Variants in MSX2 observed in about 807,000 individuals in gnomAD.
The protein encoded by MSX2 is msh homeobox 2.
Under a neutral mutation model 18.4 loss-of-function variants are expected in MSX2, and 10 were observed. The observed-to-expected ratio is 0.54, with a 90% confidence interval of 0.34 to 0.92. MSX2 has a LOEUF of 0.92. Ranked by LOEUF, MSX2 falls within the 40% of genes least tolerant of loss-of-function variation. MSX2 has a pLI of 0.02. For missense variants in MSX2, 339 were observed against 364.0 expected, an observed-to-expected ratio of 0.93 and a Z score of 0.56; for synonymous variants, 170 against 165.6, an observed-to-expected ratio of 1.03 and a Z score of -0.20.
rs1323789044 is a variant in MSX2 at position 174,724,642 on chromosome 5, A to G, written c.-18A>G. 1 of 1,578,588 alleles carries G rather than the reference A, an allele frequency of 6.3e-7. No individual in the cohort carries two copies. The highest frequency in any genetic ancestry group is 8.6e-7 in the Non-Finnish European group (1 of 1,163,258). ...CCAGCGGAGTCGCGCGTCGGGAGCTACGTAGGGCAGAGAAGTCATGGCTTC... is the reference window on the plus strand; with the variant it reads ...CCAGCGGAGTCGCGCGTCGGGAGCTGCGTAGGGCAGAGAAGTCATGGCTTC... On this transcript the variant is annotated 5_prime_UTR_variant, in exon 1 of 2. Transcript: ENST00000239243.
chr5:174,729,426 T>C lies in MSX2; in HGVS notation c.647T>C (p.Leu216Pro). ...EKLKMAAKPM[L>P]PSSFSLPFPI... ...CTGAAAATGGCTGCAAAACCTATGC[T>C]GCCCTCCAGCTTCAGTCTCCCTTTC... Residue 216 changes from leucine (L) to proline (P), a missense_variant, in exon 2 of 2, where the codon CTG becomes CCG. Leu to Pro is a moderately conservative substitution (Grantham distance 98, BLOSUM62 -3). Around this residue, in one of 2 missense-constraint regions of MSX2, gnomAD observed 128 missense variants for 178.6 expected, o/e 0.72. Transcript: ENST00000239243. 6.2e-7 allele frequency: 1 copy of C among 1,614,108 alleles called. No individual in the cohort carries two copies. The highest frequency in any genetic ancestry group is 8.5e-7 in the Non-Finnish European group (1 of 1,179,966).
intron 1 of MSX2, 55 bp downstream of exon 1, chr5:174,725,093 G>A (rs779459377): frequency 6.3e-7 from 1 of 1,595,736 alleles, no homozygotes; most frequent in Non-Finnish European, 8.5e-7. Flanking sequence ...GGAGGGAGCG[G>A]GGGGCGGGTG....
chr5:174,725,361 G>T (rs533800656), intron 1 of MSX2, among the ~76,000 whole-genome samples: 1 of 152,184 alleles, frequency 6.6e-6, no homozygotes, highest in African/African-American at 2.4e-5. Flanking sequence ...TCGGCCCTGC[G>T]CTCTGGCCAC....
rs1581520732 is a variant in MSX2 at position 174,729,793 on chromosome 5, G to C, written c.*210G>C. On this transcript the variant is annotated 3_prime_UTR_variant, in exon 2 of 2. Coordinates refer to ENST00000239243, the MANE Select transcript of MSX2 (RefSeq NM_002449.5). Reference sequence around the variant, plus strand: ...CCTGTTTTCTTGGTGTAATCTTCCAGATGCCCCCTTTTCCTTTCACAAAGA... The same window carrying C: ...CCTGTTTTCTTGGTGTAATCTTCCACATGCCCCCTTTTCCTTTCACAAAGA... 3 of 498,980 alleles carry C rather than the reference G, an allele frequency of 6.0e-6. No homozygotes were observed. In the East Asian group the frequency reaches 9.3e-5, roughly 15 times the overall value. 30.9% of individuals were successfully genotyped at this position (498,980 alleles called of 1,614,324 possible).
chr5:174,730,510 T>G lies in MSX2; in HGVS notation c.*927T>G, dbSNP rs1247120593. On this transcript the variant is annotated 3_prime_UTR_variant, in exon 2 of 2. Coordinates refer to ENST00000239243, the MANE Select transcript of MSX2 (RefSeq NM_002449.5). Reference sequence around the variant, plus strand: ...GGGTGGGGGTTTAGTAATTTTCTGCTTAAAAAATGAGTATCTTGTAACCAT... The same window carrying G: ...GGGTGGGGGTTTAGTAATTTTCTGCGTAAAAAATGAGTATCTTGTAACCAT... 6.6e-6 allele frequency: 1 copy of G among 152,616 alleles called. No homozygotes were observed. Among genetic ancestry groups the G allele is most frequent in the Non-Finnish European group, 1.5e-5 (1 of 68,038 alleles). 9.5% of individuals were successfully genotyped at this position (152,616 alleles called of 1,614,324 possible).
Position 174,724,742 on chromosome 5 carries a change from C to T in MSX2, c.83C>T (p.Pro28Leu), listed in dbSNP as rs1361478485. The change falls in exon 1 of 2, where the codon CCT (proline) becomes CTT (leucine). Residue 28 changes from proline to leucine, a missense_variant. Physicochemically the swap from Pro to Leu is moderately conservative, Grantham distance 98. Transcript: ENST00000239243. Reference sequence around the variant, plus strand: ...GTGGTGGCCGGACCAGGCCCGGGGCCTGGGGGCGCCGAGGGGGCCGCGGAG... The same window carrying T: ...GTGGTGGCCGGACCAGGCCCGGGGCTTGGGGGCGCCGAGGGGGCCGCGGAG... Reference protein sequence around the residue: ...PAVVAGPGPGPGGAEGAAEER... With the variant: ...PAVVAGPGPGLGGAEGAAEER... The T allele has an allele frequency of 7.6e-6, 12 of 1,578,636 alleles. No individual in the cohort carries two copies. Among genetic ancestry groups the T allele is most frequent in the Admixed American group, 3.7e-5 (2 of 54,720 alleles).
rs1448947535 is a variant in MSX2, at chr5:174,724,629, C to G, written c.-31C>G. The G allele has an allele frequency of 1.1e-5, 18 of 1,568,980 alleles. No homozygotes were observed. The highest frequency in any genetic ancestry group is 4.7e-5 in the East Asian group (2 of 42,692). The stretch of plus-strand genomic sequence containing the variant: ...CGCTGCCGGGTTGCCAGCGGAGTCG[C>G]GCGTCGGGAGCTACGTAGGGCAGAG... On this transcript the variant is annotated 5_prime_UTR_variant, in exon 1 of 2. Coordinates refer to ENST00000239243, the MANE Select transcript of MSX2 (RefSeq NM_002449.5).
chr5:174,729,104 G>T (rs1760867547), intron 1 of MSX2, 55 bp from the exon 2 acceptor site: 3 of 1,566,698 alleles, frequency 1.9e-6, no homozygotes, highest in East Asian at 4.6e-5. Context: ...GTTTTTTTTA[G>T]TATTATTTTA....
intron 1 of MSX2, 67 bp downstream of exon 1, chr5:174,725,105 TCC>T: frequency 6.3e-7 from 1 of 1,579,702 alleles, no homozygotes; most frequent in Admixed American, 1.9e-5. Flanking sequence ...GGGCGGGTGT[TCC>T]AGGGCTGAGG....
chr5:174,727,468 A>C (rs549368554), intron 1 of MSX2, among the ~76,000 whole-genome samples: 3 of 152,140 alleles, frequency 2.0e-5, no homozygotes, highest in African/African-American at 7.2e-5. Context: ...AGCCAGGAGC[A>C]AGAGTATATA....
chr5:174,725,275 G>C (rs1484519379), intron 1 of MSX2, among the ~76,000 whole-genome samples: 3 of 152,180 alleles, frequency 2.0e-5, no homozygotes, highest in African/African-American at 7.2e-5. Flanking sequence ...AGACTCCCTC[G>C]ACATACAGAT....
chr5:174,725,085 AGGGAGCGGGGGG>A, intron 1 of MSX2, 47 bp downstream of exon 1: 1 of 1,601,562 alleles, frequency 6.2e-7, no homozygotes. Context: ...GGGGTACTGG[AGGGAGCGGGGGG>A]CGGGTGTTCC....
At chr5:174,725,924 C>G (rs1029543492) in intron 1 of MSX2, among the ~76,000 whole-genome samples, 1 of 152,108 alleles carries the variant, frequency 6.6e-6, no homozygotes, top group East Asian at 1.9e-4. Context: ...TTTGCTTGTC[C>G]CAGGTTACCA....
rs1048010046 is a variant in MSX2 at position 174,724,597 on chromosome 5, G to C, written c.-63G>C. 1.1e-5 allele frequency: 17 copies of C among 1,544,948 alleles called. No individual in the cohort carries two copies. The African/African-American group carries it at 2.3e-4, about 21-fold the overall frequency. ...TCCCGTCTCCGCAGCAAAAAAGTTT[G>C]AGTCGCCGCTGCCGGGTTGCCAGCG... On this transcript the variant is annotated 5_prime_UTR_variant, in exon 1 of 2. Coordinates refer to ENST00000239243, the MANE Select transcript of MSX2 (RefSeq NM_002449.5).
chr5:174,724,665 T>A lies in MSX2; in HGVS notation c.6T>A (p.Ala2=). ...CTACGTAGGGCAGAGAAGTCATGGC[T>A]TCTCCGTCCAAAGGCAATGACTTGT... is the stretch of plus-strand genomic sequence containing the variant. The part of the protein sequence containing the change: M[A]SPSKGNDLFS... Residue 2 remains alanine, a synonymous_variant, in exon 1 of 2, where the codon GCT becomes GCA. Coordinates refer to ENST00000239243, the MANE Select transcript of MSX2 (RefSeq NM_002449.5). The A allele has an allele frequency of 6.3e-7, 1 of 1,590,788 alleles. No individual in the cohort carries two copies.
Position 174,730,426 on chromosome 5 carries a change from A to G in MSX2, c.*843A>G, listed in dbSNP as rs1352423154. ...AAAATGTTAAAACCTGTTGAGAGGA[A>G]TTGATGGTTTCTGAGAAATACTAGG... is the stretch of plus-strand genomic sequence containing the variant. On this transcript the variant is annotated 3_prime_UTR_variant, in exon 2 of 2. Transcript: ENST00000239243. The G allele has an allele frequency of 1.3e-5, 2 of 152,388 alleles. No individual in the cohort carries two copies. The highest frequency in any genetic ancestry group is 4.8e-5 in the African/African-American group (2 of 41,446). 9.4% of individuals were successfully genotyped at this position (152,388 alleles called of 1,614,324 possible).
At position 174,729,800 on chromosome 5, in the gene MSX2, C is replaced by T; in HGVS notation, c.*217C>T. On this transcript the variant is annotated 3_prime_UTR_variant, in exon 2 of 2. Coordinates refer to ENST00000239243, the MANE Select transcript of MSX2 (RefSeq NM_002449.5). ...TCTTGGTGTAATCTTCCAGATGCCCCCTTTTCCTTTCACAAAGATTGGCTC... is the reference window on the plus strand; with the variant it reads ...TCTTGGTGTAATCTTCCAGATGCCCTCTTTTCCTTTCACAAAGATTGGCTC... 2.2e-6 allele frequency: 1 copy of T among 454,330 alleles called. No homozygotes were observed. The allele number at this position is 454,330 out of a possible 1,614,324, so 28.1% of individuals were successfully genotyped here.
At position 174,729,981 on chromosome 5, in the gene MSX2, A is replaced by C. The variant is rs1760892104; in HGVS notation, c.*398A>C. On this transcript the variant is annotated 3_prime_UTR_variant, in exon 2 of 2. Coordinates refer to ENST00000239243, the MANE Select transcript of MSX2 (RefSeq NM_002449.5). ...TTCCCAAAAGACACTGTGTAAGTCCATTTGTTGTATTTTCTTAAAGAGGGA... is the reference window on the plus strand; with the variant it reads ...TTCCCAAAAGACACTGTGTAAGTCCCTTTGTTGTATTTTCTTAAAGAGGGA... 6.6e-6 allele frequency: 1 copy of C among 152,106 alleles called. No homozygotes were observed. Among genetic ancestry groups the C allele is most frequent in the East Asian group, 1.9e-4 (1 of 5,204 alleles). 9.4% of individuals were successfully genotyped at this position (152,106 alleles called of 1,614,324 possible).
Position 174,724,858 on chromosome 5 carries a change from G to C in MSX2, c.199G>C (p.Ala67Pro). Residue 67 changes from alanine (A) to proline (P), a missense_variant, in exon 1 of 2, where the codon GCC becomes CCC. Coordinates refer to ENST00000239243, the MANE Select transcript of MSX2 (RefSeq NM_002449.5). ...GCCCAAGGAGGCGTCCCCGCTGCCG[G>C]CCGAAAGCGCCTCGGCCGGGGCCAC... ...KPPKEASPLP[A>P]ESASAGATLR... 1 of 1,553,104 alleles carries C rather than the reference G, an allele frequency of 6.4e-7. No individual in the cohort carries two copies.
Sources: allele counts gnomAD v4.1 joint callset (sites outside exome capture counted in the v4.1 genomes callset), GRCh38; gene constraint gnomAD v4.1.1; regional missense constraint gnomAD v4.1.1; transcripts MANE v1.5; gene names NCBI Gene and HGNC (gene_info 2026-07-23, HGNC 2026-07-21).